The following LRGUK variants were observed in gnomAD, a reference collection of about 807,000 sequenced individuals.
LRGUK encodes the protein leucine rich repeats and guanylate kinase domain containing.
Under a neutral mutation model 76.0 loss-of-function variants are expected in LRGUK, and 65 were observed. That is an observed-to-expected ratio of 0.85 (90% CI 0.70 to 1.05). The LOEUF is 1.05. Among genes scored for constraint, LRGUK ranks in the 50% least tolerant of loss-of-function variants. The probability of loss-of-function intolerance (pLI) is 0.00; values close to 1 mark genes in which losing one functional copy is unlikely to be tolerated. For synonymous variants in LRGUK, 268 were observed against 265.6 expected, an observed-to-expected ratio of 1.01 and a Z score of -0.09; for missense variants, 758 against 732.8, an observed-to-expected ratio of 1.03 and a Z score of -0.40.
chr7:134,232,438 T>C (rs1422906879), intron 16 of LRGUK, among the ~76,000 whole-genome samples: 1 of 151,960 alleles, frequency 6.6e-6, no homozygotes, highest in East Asian at 1.9e-4. Context: ...GCCACCACAC[T>C]TGGCTAATTT....
intron 10 of LRGUK, 85 bp downstream of exon 10, chr7:134,178,694 AC>A: frequency 1.0e-6 from 1 of 991,396 alleles, no homozygotes; most frequent in Non-Finnish European, 1.5e-6. Context: ...CTATTTTGTG[AC>A]CCCTTTATTT....
At chr7:134,253,541 G>A (rs548888107) in intron 18 of LRGUK, among the ~76,000 whole-genome samples, 48 of 152,276 alleles carry the variant, frequency 3.2e-4, no homozygotes, top group Middle Eastern at 3.4e-3. Flanking sequence ...AGGCCTGGGC[G>A]GCGTGGCTCA....
intron 7 of LRGUK, among the ~76,000 whole-genome samples, chr7:134,169,460 G>C (rs1427081517): frequency 6.6e-6 from 1 of 152,148 alleles, no homozygotes; most frequent in Non-Finnish European, 1.5e-5. Context: ...TATATATCAA[G>C]TGAAACTGTA....
In LRGUK at chr7:134,263,734, T is replaced by C. The variant is rs544592175; in HGVS notation, c.2348-111T>C. The C allele has an allele frequency of 7.4e-6, 8 of 1,075,864 alleles. No homozygotes were observed. In the African/African-American group the frequency reaches 8.2e-5, roughly 11 times the overall value. 66.6% of individuals were successfully genotyped at this position (1,075,864 alleles called of 1,614,324 possible). A position where few individuals can be genotyped will look rare whatever the true frequency, so the allele number is the denominator to read the frequency against. On this transcript the variant is annotated intron_variant, in intron 19 of 19. Coordinates refer to the LRGUK transcript ENST00000285928. Reference sequence around the variant, plus strand: ...CTGGCCTCATTTATTTCTTATAGTTTGTCATGAACGAATTCTAGAAATTGT... The same window carrying C: ...CTGGCCTCATTTATTTCTTATAGTTCGTCATGAACGAATTCTAGAAATTGT...
intron 15 of LRGUK, among the ~76,000 whole-genome samples, chr7:134,206,860 T>C (rs1275470139): frequency 1.3e-5 from 2 of 152,148 alleles, no homozygotes; most frequent in Admixed American, 6.5e-5. Context: ...AAAATAAAAT[T>C]GTATTTGCAA....
At chr7:134,195,895 C>G (rs1034341884) in intron 12 of LRGUK, among the ~76,000 whole-genome samples, 2 of 152,102 alleles carry the variant, frequency 1.3e-5, no homozygotes, top group African/African-American at 4.8e-5. Flanking sequence ...TCCTCATCAC[C>G]TGCAGCAGAC....
At chr7:134,199,994 A>C (rs1320973538) in intron 14 of LRGUK, among the ~76,000 whole-genome samples, 3 of 113,858 alleles carry the variant, frequency 2.6e-5, no homozygotes, top group African/African-American at 1.0e-4. Flanking sequence ...ATATATATAT[A>C]TATATATATA....
At chr7:134,224,088 C>T (rs1168865829) in intron 16 of LRGUK, among the ~76,000 whole-genome samples, 1 of 152,242 alleles carries the variant, frequency 6.6e-6, no homozygotes, top group Non-Finnish European at 1.5e-5. Context: ...GCTTTCTCTC[C>T]TGCCCTTGGT....
intron 5 of LRGUK, among the ~76,000 whole-genome samples, chr7:134,152,955 A>T (rs1303458663): frequency 4.0e-4 from 36 of 90,358 alleles, no homozygotes. Flanking sequence ...TAAGGGAGGA[A>T]GGGAAGAAGA....
chr7:134,178,218 G>T (rs887025167), intron 9 of LRGUK, among the ~76,000 whole-genome samples: 6 of 152,014 alleles, frequency 3.9e-5, no homozygotes, highest in African/African-American at 1.5e-4. Flanking sequence ...TGGTTTTTTT[G>T]TGTGTGTTTT....
chr7:134,157,626 C>T (rs1031581916), intron 5 of LRGUK, among the ~76,000 whole-genome samples: 3 of 152,188 alleles, frequency 2.0e-5, no homozygotes, highest in Non-Finnish European at 2.9e-5. Flanking sequence ...GGGTTCACGC[C>T]GTTATCCTGC....
At chr7:134,248,117 T>G (rs1802355500) in intron 17 of LRGUK, among the ~76,000 whole-genome samples, 1 of 152,198 alleles carries the variant, frequency 6.6e-6, no homozygotes, top group Non-Finnish European at 1.5e-5. Flanking sequence ...CTTTGGATAG[T>G]CAGATTCAAA....
At chr7:134,216,803 G>A (rs1411521292) in intron 15 of LRGUK, among the ~76,000 whole-genome samples, 1 of 152,128 alleles carries the variant, frequency 6.6e-6, no homozygotes, top group Non-Finnish European at 1.5e-5. Context: ...GAAAAGCAAA[G>A]TGAAGAAAGA....
chr7:134,178,708 T>TAGGAA, intron 10 of LRGUK, 99 bp downstream of exon 10: 1 of 779,888 alleles, frequency 1.3e-6, no homozygotes, highest in Non-Finnish European at 2.0e-6. Context: ...CTTTATTTCC[T>TAGGAA]ATAAAGGCTG....
the LRGUK span, among the ~76,000 whole-genome samples, chr7:134,274,635 A>G: frequency 1.3e-5 from 2 of 152,132 alleles, no homozygotes; most frequent in East Asian, 3.8e-4. Flanking sequence ...TTGCTATATA[A>G]ATTTTGATGT....
chr7:134,262,225 G>A (rs911438258), intron 19 of LRGUK, among the ~76,000 whole-genome samples: 1 of 151,994 alleles, frequency 6.6e-6, no homozygotes, highest in Non-Finnish European at 1.5e-5. Flanking sequence ...AATCCAAAAA[G>A]TAGCTGAGTG....
At chr7:134,240,392 A>AC (rs1802115515) in intron 16 of LRGUK, among the ~76,000 whole-genome samples, 1 of 152,220 alleles carries the variant, frequency 6.6e-6, no homozygotes. Flanking sequence ...TGGCACAAGA[A>AC]CTACATTATG....
intron 16 of LRGUK, among the ~76,000 whole-genome samples, chr7:134,226,190 A>T (rs1186295875): frequency 6.6e-6 from 1 of 151,106 alleles, no homozygotes; most frequent in Non-Finnish European, 1.5e-5. Context: ...TTTGACAGTG[A>T]TGGACAAGGT....
At chr7:134,225,154 C>T (rs566525602) in intron 16 of LRGUK, among the ~76,000 whole-genome samples, 3 of 141,810 alleles carry the variant, frequency 2.1e-5, no homozygotes, top group East Asian at 4.1e-4. Flanking sequence ...AAAAAACCCA[C>T]TCTGTGCTCC....
Sources: allele counts gnomAD v4.1 joint callset (sites outside exome capture counted in the v4.1 genomes callset), GRCh38; gene constraint gnomAD v4.1.1; transcripts MANE v1.5; gene names NCBI Gene and HGNC (gene_info 2026-07-23, HGNC 2026-07-21).